The following SNX29 variants were observed in gnomAD, a reference collection of about 807,000 sequenced individuals.
The protein encoded by SNX29 is sorting nexin-29.
Under a neutral mutation model 102.1 loss-of-function variants are expected in SNX29, and 78 were observed. The observed-to-expected ratio is 0.76, with a 90% CI of 0.64 to 0.92. The LOEUF (loss-of-function observed/expected upper bound fraction) is 0.92. Among genes scored for constraint, SNX29 ranks in the 40% least tolerant of loss-of-function variants. The pLI is 0.00. For missense variants in SNX29, 1,280 were observed against 1,061.7 expected, an observed-to-expected ratio of 1.21 and a Z score of -2.86; for synonymous variants, 580 against 414.5, an observed-to-expected ratio of 1.40 and a Z score of -4.85.
At chr16:12,492,708 T>C (rs1331019987) in intron 19 of SNX29, among the ~76,000 whole-genome samples, 1 of 152,192 alleles carries the variant, frequency 6.6e-6, no homozygotes, top group Non-Finnish European at 1.5e-5. Context: ...AATTTTTGTA[T>C]AAGGTGTAAG....
At position 12,096,211 on chromosome 16, in the gene SNX29, C is replaced by T. The variant is rs1367163658; in HGVS notation, c.1402+17296C>T. 6.6e-6 allele frequency among the ~76,000 whole-genome samples: 1 copy of T among 152,220 alleles called. No individual in the cohort carries two copies. Among genetic ancestry groups the T allele is most frequent in the Non-Finnish European group, 1.5e-5 (1 of 68,042 alleles). On this transcript the variant is annotated intron_variant, in intron 11 of 20. Coordinates refer to ENST00000566228, the MANE Select transcript of SNX29 (RefSeq NM_032167.5). The surrounding 1 kb of genome is among the most constrained non-coding windows in gnomAD (Gnocchi z 4.2). The stretch of plus-strand genomic sequence containing the variant: ...CATCTTTCTTTAAAGGGGAAACTTC[C>T]CACTGAATTTTGTGTATTAGCCCTT...
chr16:12,067,486 C>A (rs1385358112), intron 9 of SNX29, among the ~76,000 whole-genome samples: 1 of 152,106 alleles, frequency 6.6e-6, no homozygotes, highest in Admixed American at 6.6e-5. Flanking sequence ...TAATAAGTTT[C>A]TTTTTCTTTT....
At chr16:12,223,907 C>A (rs1460133243) in intron 14 of SNX29, among the ~76,000 whole-genome samples, 1 of 152,172 alleles carries the variant, frequency 6.6e-6, no homozygotes, top group East Asian at 1.9e-4. Flanking sequence ...ACGTTCTGAT[C>A]CTTATCCTGT....
At chr16:12,461,972 AAAAAAAATATATATATATATAT>A (rs1597461574) in intron 18 of SNX29, among the ~76,000 whole-genome samples, 2 of 64,152 alleles carry the variant, frequency 3.1e-5, no homozygotes, top group East Asian at 6.1e-4. Context: ...AAAAAAAAAA[AAAAAAAATATATATATATATAT>A]ATATATATAT....
At position 12,503,786 on chromosome 16, in the gene SNX29, G is replaced by T. The variant is rs1207986586; in HGVS notation, c.2179-20916G>T. Among the ~76,000 whole-genome samples, 6 of 152,184 alleles carry T rather than the reference G, an allele frequency of 3.9e-5. No homozygotes were observed. The South Asian group carries it at 1.2e-3, about 32-fold the overall frequency. ...GCCCAGACTTATTATGGCAATACCC[G>T]CTGCAGAAAGAGAGCTTCTCCTTTC... is the stretch of plus-strand genomic sequence containing the variant. On this transcript the variant is annotated intron_variant, in intron 19 of 20. Coordinates refer to ENST00000566228, the MANE Select transcript of SNX29 (RefSeq NM_032167.5).
chr16:12,037,140 G>A (rs562232866), intron 4 of SNX29, among the ~76,000 whole-genome samples: 3 of 152,112 alleles, frequency 2.0e-5, no homozygotes, highest in African/African-American at 7.2e-5. Flanking sequence ...CTCCTTACGG[G>A]TCATATTATA....
chr16:12,230,343 T>G (rs2077731926), intron 14 of SNX29, among the ~76,000 whole-genome samples: 1 of 152,252 alleles, frequency 6.6e-6, no homozygotes, highest in Admixed American at 6.5e-5. Flanking sequence ...CTTGTATTTT[T>G]CCAAATAGAC....
intron 19 of SNX29, among the ~76,000 whole-genome samples, chr16:12,479,458 C>T (rs943474388): frequency 2.2e-4 from 34 of 152,260 alleles, no homozygotes; most frequent in African/African-American, 7.2e-4. Flanking sequence ...CTGATCACGC[C>T]AAGGTCTGCT....
chr16:12,173,858 C>A (rs531357642), intron 13 of SNX29, among the ~76,000 whole-genome samples: 1 of 152,180 alleles, frequency 6.6e-6, no homozygotes, highest in African/African-American at 2.4e-5. Context: ...GCGATCTCAG[C>A]TCACTCTGCC....
chr16:12,051,649 G>C lies in SNX29; in HGVS notation c.749-198G>C, dbSNP rs139651566. The stretch of plus-strand genomic sequence containing the variant: ...CTCTGTGGTGTGTTTATTTAAATCA[G>C]AGGCAGAGGCCTGCGTCCATTCTGC... On this transcript the variant is annotated intron_variant, in intron 7 of 20. Transcript: ENST00000566228. Among the ~76,000 whole-genome samples the C allele has an allele frequency of 3.3e-5, 5 of 152,334 alleles. No individual in the cohort carries two copies. The East Asian group carries it at 9.6e-4, about 29-fold the overall frequency.
At chr16:12,011,068 A>G (rs955899348) in intron 3 of SNX29, among the ~76,000 whole-genome samples, 3 of 152,010 alleles carry the variant, frequency 2.0e-5, no homozygotes, top group Non-Finnish European at 4.4e-5. Flanking sequence ...CCTGGGGTTC[A>G]TTAATTGGAC....
At chr16:12,345,876 A>AT (rs997456009) in intron 15 of SNX29, among the ~76,000 whole-genome samples, 8 of 151,792 alleles carry the variant, frequency 5.3e-5, no homozygotes, top group Admixed American at 2.0e-4. Context: ...CCATTGAAGA[A>AT]TTTTTTTTTA....
At chr16:12,471,006 C>A (rs1394882707) in intron 18 of SNX29, among the ~76,000 whole-genome samples, 1 of 152,192 alleles carries the variant, frequency 6.6e-6, no homozygotes, top group Non-Finnish European at 1.5e-5. Context: ...AAAAGGATAA[C>A]TGTGGGGACG....
chr16:12,315,569 G>T (rs181152144), intron 15 of SNX29, among the ~76,000 whole-genome samples: 3 of 152,176 alleles, frequency 2.0e-5, no homozygotes, highest in Non-Finnish European at 4.4e-5. Flanking sequence ...GGTGGGGCCT[G>T]TGTGCGTGCA....
intron 11 of SNX29, among the ~76,000 whole-genome samples, chr16:12,118,315 T>A (rs2053823998): frequency 8.0e-6 from 1 of 124,706 alleles, no homozygotes; most frequent in Non-Finnish European, 1.6e-5. Context: ...CAGACCACCT[T>A]TTTTTTTTTT....
At chr16:11,988,766 C>T (rs1030343276) in intron 1 of SNX29, among the ~76,000 whole-genome samples, 1 of 152,024 alleles carries the variant, frequency 6.6e-6, no homozygotes, top group Non-Finnish European at 1.5e-5. Context: ...TTTTCTACAG[C>T]AAGAACTGGT....
chr16:12,246,151 C>T (rs1476578491), intron 14 of SNX29, among the ~76,000 whole-genome samples: 3 of 152,122 alleles, frequency 2.0e-5, no homozygotes, highest in African/African-American at 7.2e-5. Context: ...CTTTGTTATC[C>T]TTCCGTTGGA....
chr16:12,567,071 C>G (rs773932707), intron 20 of SNX29, among the ~76,000 whole-genome samples: 5 of 152,208 alleles, frequency 3.3e-5, no homozygotes, highest in Non-Finnish European at 7.3e-5. Context: ...TCAGGGAACC[C>G]TGCAGGGATC....
At chr16:12,155,112 C>G (rs1010728458) in intron 13 of SNX29, among the ~76,000 whole-genome samples, 6 of 152,164 alleles carry the variant, frequency 3.9e-5, no homozygotes, top group African/African-American at 1.4e-4. Flanking sequence ...TTCTGGACTT[C>G]TTGCTTGTCC....
Sources: allele counts gnomAD v4.1 joint callset (sites outside exome capture counted in the v4.1 genomes callset), GRCh38; gene constraint gnomAD v4.1.1; non-coding constraint Gnocchi (gnomAD v3.1); transcripts MANE v1.5; gene names NCBI Gene and HGNC (gene_info 2026-07-23, HGNC 2026-07-21).